The following GRHL2 variants were observed in gnomAD, a reference collection of about 807,000 sequenced individuals.
GRHL2 encodes the protein grainyhead-like protein 2 homolog.
In GRHL2, 21 loss-of-function variants were observed where a neutral mutation model predicts 83.8. That is an observed-to-expected ratio of 0.25 (90% CI 0.18 to 0.36). GRHL2 has a LOEUF of 0.36. GRHL2 is among the 10% of genes least tolerant of loss of function. The pLI is 1.00. For synonymous variants in GRHL2, 280 were observed against 278.9 expected (o/e 1.00, Z -0.04); for missense variants, 623 against 781.8 (o/e 0.80, Z 2.42).
intron 13 of GRHL2, among the ~76,000 whole-genome samples, chr8:101,647,339 T>C (rs1813531734): frequency 1.3e-5 from 2 of 152,272 alleles, no homozygotes; most frequent in East Asian, 1.9e-4. Flanking sequence ...CACTCCAGTC[T>C]GGGTGACAGC....
intron 14 of GRHL2, among the ~76,000 whole-genome samples, chr8:101,657,011 T>C (rs1813805971): frequency 1.3e-5 from 2 of 152,162 alleles, no homozygotes. Flanking sequence ...TGAAGCTAGC[T>C]GATGTCTACA....
chr8:101,624,998 CA>C (rs1247830943), intron 9 of GRHL2, among the ~76,000 whole-genome samples: 1 of 151,898 alleles, frequency 6.6e-6, no homozygotes, highest in Non-Finnish European at 1.5e-5. Context: ...AAAACCGAAC[CA>C]AAAAAATCAG....
intron 1 of GRHL2, among the ~76,000 whole-genome samples, chr8:101,523,880 G>A (rs546528154): frequency 8.5e-5 from 13 of 152,140 alleles, no homozygotes; most frequent in African/African-American, 3.1e-4. Flanking sequence ...TACTTGTTTT[G>A]CTTTCTTCTG....
chr8:101,671,103 G>A (rs3939935), downstream of GRHL2, among the ~76,000 whole-genome samples: 18,837 of 152,214 alleles, frequency 0.12, 1,248 homozygotes, highest in South Asian at 0.21. Flanking sequence ...CAATGCAGAC[G>A]ACGGTTGATT....
At chr8:101,558,298 C>A (rs1811528596) in intron 3 of GRHL2, 121 bp from the exon 4 acceptor site, 3 of 1,185,294 alleles carry the variant, frequency 2.5e-6, no homozygotes, top group Non-Finnish European at 3.7e-6. Flanking sequence ...AGTTTGCCAG[C>A]CCCCTGTCCC....
intron 12 of GRHL2, among the ~76,000 whole-genome samples, chr8:101,643,051 C>T (rs1813433324): frequency 6.6e-6 from 1 of 152,082 alleles, no homozygotes; most frequent in Non-Finnish European, 1.5e-5. Flanking sequence ...TGCTGAGCTA[C>T]CCATCTGGCA....
At chr8:101,513,969 T>C (rs562590334) in intron 1 of GRHL2, among the ~76,000 whole-genome samples, 12 of 152,300 alleles carry the variant, frequency 7.9e-5, no homozygotes, top group South Asian at 2.1e-4. Flanking sequence ...ATGCTCCCTT[T>C]GTGTATCTGC....
chr8:101,648,444 C>G (rs1813556549), intron 13 of GRHL2, among the ~76,000 whole-genome samples: 1 of 152,200 alleles, frequency 6.6e-6, no homozygotes, highest in Non-Finnish European at 1.5e-5. Flanking sequence ...CAACTGCTTC[C>G]CCCACTGATC....
intron 8 of GRHL2, among the ~76,000 whole-genome samples, chr8:101,615,951 G>A (rs1003816806): frequency 1.3e-5 from 2 of 152,148 alleles, no homozygotes; most frequent in African/African-American, 4.8e-5. Flanking sequence ...CTCTGTGATT[G>A]TAGTGGGCAA....
In GRHL2 at chr8:101,613,826, C is replaced by T. The variant is rs1055246374; in HGVS notation, c.1099-5713C>T. Among the ~76,000 whole-genome samples the T allele has an allele frequency of 2.0e-5, 3 of 150,898 alleles. 1 individual carries two copies. Among genetic ancestry groups the T allele is most frequent in the African/African-American group, 7.4e-5 (3 of 40,352 alleles). On this transcript the variant is annotated intron_variant, in intron 8 of 15. Coordinates refer to ENST00000646743, the MANE Select transcript of GRHL2 (RefSeq NM_024915.4). ...TTGTACCTGTAATTTAGAGGCTTCT[C>T]CTGTGCAATTTCTTGGAAAAGAATT...
chr8:101,676,865 G>T, the GRHL2 span, among the ~76,000 whole-genome samples: 2 of 152,084 alleles, frequency 1.3e-5, no homozygotes, highest in African/African-American at 2.4e-5. Context: ...TATACACCAT[G>T]GAATACTATG....
At position 101,558,441 on chromosome 8, in the gene GRHL2, G is replaced by T; in HGVS notation, c.307G>T (p.Ala103Ser). Residue 103 changes from alanine to serine, a missense_variant, in exon 4 of 16, where the codon GCC becomes TCC. Ala to Ser is a moderately conservative substitution (Grantham distance 99, BLOSUM62 1). Coordinates refer to ENST00000646743, the MANE Select transcript of GRHL2 (RefSeq NM_024915.4). ...CAGAAACTGCCTTGGCACCAGTGAA[G>T]CCCAGAGTAATTTGAGTGGAGGAGA... is the stretch of plus-strand genomic sequence containing the variant. ...EKRNCLGTSE[A>S]QSNLSGGENR... 1 of 1,614,154 alleles carries T rather than the reference G, an allele frequency of 6.2e-7. No individual in the cohort carries two copies.
At chr8:101,647,353 ACT>A (rs920932772) in intron 13 of GRHL2, among the ~76,000 whole-genome samples, 2 of 151,976 alleles carry the variant, frequency 1.3e-5, no homozygotes, top group African/African-American at 4.8e-5. Flanking sequence ...TGACAGCGAG[ACT>A]CTGTCTCAAA....
chr8:101,666,230 T>C (rs1214377777), intron 15 of GRHL2, among the ~76,000 whole-genome samples: 1 of 152,176 alleles, frequency 6.6e-6, no homozygotes, highest in Non-Finnish European at 1.5e-5. Flanking sequence ...AAGGGCAACA[T>C]GGTTTACTGA....
At chr8:101,635,923 T>G (rs1813274894) in intron 11 of GRHL2, among the ~76,000 whole-genome samples, 2 of 152,116 alleles carry the variant, frequency 1.3e-5, no homozygotes, top group South Asian at 4.1e-4. Flanking sequence ...TTGAGAGAGT[T>G]TGCAGGGAGG....
chr8:101,608,907 T>A (rs188064429), intron 8 of GRHL2, among the ~76,000 whole-genome samples: 1 of 149,842 alleles, frequency 6.7e-6, no homozygotes, highest in East Asian at 1.9e-4. Context: ...ATAAGGAAGT[T>A]GGAAGAAGAG....
chr8:101,531,082 TAGTC>T (rs1039817369), intron 1 of GRHL2, among the ~76,000 whole-genome samples: 5 of 151,946 alleles, frequency 3.3e-5, no homozygotes, highest in African/African-American at 7.2e-5. Flanking sequence ...ATAAAAAAAT[TAGTC>T]AGGCATGATG....
At chr8:101,612,332 A>G (rs16868083) in intron 8 of GRHL2, among the ~76,000 whole-genome samples, 20,887 of 150,602 alleles carry the variant, frequency 0.14, 2,022 homozygotes, top group African/African-American at 0.16. Context: ...GGAGTATTCA[A>G]TTTAATATCT....
chr8:101,603,200 G>A (rs5023181), intron 8 of GRHL2, among the ~76,000 whole-genome samples: 76,959 of 151,594 alleles, frequency 0.51, 21,380 homozygotes, highest in African/African-American at 0.74. Context: ...CTTTGAAGCT[G>A]GCCATATCAG....
Sources: gnomAD v4.1 joint callset for allele counts (sites outside exome capture counted in the v4.1 genomes callset) on GRCh38, gnomAD v4.1.1 for gene constraint, MANE v1.5 for transcripts, NCBI Gene and HGNC (gene_info 2026-07-23, HGNC 2026-07-21) for gene names.